WAC: variants seen among roughly 807,000 people sequenced by gnomAD.
WAC encodes the protein WW domain-containing adapter protein with coiled-coil.
WAC carries 11 observed loss-of-function variants against 79.6 expected under a neutral mutation model. The ratio of observed to expected loss-of-function variants is 0.14; its 90% CI spans 0.09 to 0.23. The LOEUF is 0.23. WAC is among the 10% of genes least tolerant of loss of function. WAC has a pLI of 1.00. For synonymous variants in WAC, 304 were observed against 276.9 expected (o/e 1.10, Z -0.97); for missense variants, 728 against 773.5 (o/e 0.94, Z 0.70).
chr10:28,542,881 A>G (rs916900437), intron 3 of WAC, among the ~76,000 whole-genome samples: 2 of 152,192 alleles, frequency 1.3e-5, no homozygotes, highest in Non-Finnish European at 2.9e-5. Flanking sequence ...AACTGACTGT[A>G]TTTTAGTTTT....
intron 13 of WAC, among the ~76,000 whole-genome samples, chr10:28,618,847 T>C (rs1315870510): frequency 1.3e-5 from 2 of 152,236 alleles, no homozygotes; most frequent in African/African-American, 2.4e-5. Flanking sequence ...TTAATTCTAC[T>C]CTTTACTGTA....
intron 3 of WAC, among the ~76,000 whole-genome samples, chr10:28,556,388 ATTTTTTT>A (rs764934182): frequency 1.1e-3 from 60 of 55,094 alleles, no homozygotes; most frequent in East Asian, 6.3e-3. Context: ...TGCCCATTAA[ATTTTTTT>A]TTTTTTTTTT....
At chr10:28,542,145 C>T (rs752396100) in intron 3 of WAC, among the ~76,000 whole-genome samples, 2 of 152,160 alleles carry the variant, frequency 1.3e-5, no homozygotes, top group Non-Finnish European at 2.9e-5. Flanking sequence ...ACATTATGTG[C>T]CTTTATGTTT....
In WAC at chr10:28,613,982, C is replaced by G. The variant is rs556524821; in HGVS notation, c.1438-585C>G. On this transcript the variant is annotated intron_variant, in intron 10 of 13. Transcript: ENST00000354911. ...ACATATTTCTCCATATCATTAAAAT[C>G]TAAGCATCCATATGTGTATGATGTG... 2.6e-5 allele frequency among the ~76,000 whole-genome samples: 4 copies of G among 152,256 alleles called. No individual in the cohort carries two copies. The East Asian group carries it at 5.8e-4, about 22-fold the overall frequency.
intron 10 of WAC, among the ~76,000 whole-genome samples, chr10:28,612,140 G>A (rs968038345): frequency 6.6e-6 from 1 of 152,182 alleles, no homozygotes; most frequent in Non-Finnish European, 1.5e-5. Context: ...ATCTGAGTCT[G>A]TTCCCTAATG....
At position 28,610,701 on chromosome 10, in the gene WAC, CT is replaced by C; in HGVS notation, c.1170del (p.Thr391GlnfsTer4). 1 of 1,603,236 alleles carries C rather than the reference CT, an allele frequency of 6.2e-7. No individual in the cohort carries two copies. Reference protein sequence around the residue: ...NVDISKINEVLTAAVTQASLQ... With the variant: ...NVDISKINEVXTAAVTQASLQ... Reference sequence around the variant, plus strand: ...TGTATGAAATAATATGTTTTTAGTTCTTACAGCAGCTGTGACACAAGCCTCA... The same window carrying C: ...TGTATGAAATAATATGTTTTTAGTTCTACAGCAGCTGTGACACAAGCCTCA... On this transcript the variant is annotated frameshift_variant, in exon 9 of 14. Transcript: ENST00000354911. LOFTEE classifies it high-confidence loss of function.
chr10:28,595,886 A>G lies in WAC; in HGVS notation c.764A>G (p.His255Arg). Residue 255 changes from histidine to arginine, a missense_variant, in exon 7 of 14, where the codon CAT (histidine) becomes CGT (arginine). His to Arg is a conservative substitution (Grantham distance 29). Coordinates refer to ENST00000354911, the MANE Select transcript of WAC (RefSeq NM_016628.5). ...PVQHPIKPVV[H>R]PTATPSTVPS... ...CAGCACCCCATCAAACCAGTGGTTCATCCAACTGCTACCCCAAGCACTGTT... is the reference window on the plus strand; with the variant it reads ...CAGCACCCCATCAAACCAGTGGTTCGTCCAACTGCTACCCCAAGCACTGTT... The G allele has an allele frequency of 6.2e-7, 1 of 1,614,166 alleles. No homozygotes were observed. Among genetic ancestry groups the G allele is most frequent in the Non-Finnish European group, 8.5e-7 (1 of 1,180,002 alleles).
intron 3 of WAC, among the ~76,000 whole-genome samples, chr10:28,582,693 G>A (rs938903808): frequency 1.3e-5 from 2 of 152,158 alleles, no homozygotes; most frequent in African/African-American, 4.8e-5. Flanking sequence ...ATTCATCAAA[G>A]TGTTTTTGCA....
At chr10:28,563,513 G>C (rs1838412370) in intron 3 of WAC, among the ~76,000 whole-genome samples, 3 of 152,064 alleles carry the variant, frequency 2.0e-5, no homozygotes, top group Admixed American at 2.0e-4. Flanking sequence ...TCTTCAACAT[G>C]TTTTAGATTT....
intron 8 of WAC, among the ~76,000 whole-genome samples, chr10:28,609,222 C>T (rs1027294461): frequency 1.2e-4 from 19 of 152,184 alleles, no homozygotes; most frequent in Admixed American, 2.0e-4. Context: ...GTTAACCAGG[C>T]GTGATGGCAC....
At chr10:28,535,486 C>A in intron 2 of WAC, 76 bp from the exon 3 acceptor site, 1 of 1,429,914 alleles carries the variant, frequency 7.0e-7, no homozygotes, top group Non-Finnish European at 9.3e-7. Context: ...GATAATACAC[C>A]AAAGTTTATG....
Position 28,610,604 on chromosome 10 carries a change from CCA to C in WAC, c.1166-94_1166-93del, listed in dbSNP as rs1834593516. The C allele has an allele frequency of 3.9e-6, 5 of 1,284,108 alleles. No homozygotes were observed. The South Asian group carries it at 5.7e-5, about 15-fold the overall frequency. 79.5% of individuals were successfully genotyped at this position (1,284,108 alleles called of 1,614,324 possible). On this transcript the variant is annotated intron_variant, in intron 8 of 13. Transcript: ENST00000354911. ...TTTGAGAGTTCTAGGTTGAAATATT[CCA>C]GTTTCTTGTGAGTTCTCTTCCTTGT...
chr10:28,615,989 A>G (rs1042185530), intron 11 of WAC, 184 bp from the exon 12 acceptor site: 7 of 475,020 alleles, frequency 1.5e-5, no homozygotes, highest in East Asian at 9.7e-5. Context: ...TTTTCCCCCT[A>G]AAGTGTTTTG....
intron 7 of WAC, among the ~76,000 whole-genome samples, chr10:28,605,689 C>CT (rs994456592): frequency 1.3e-5 from 2 of 151,918 alleles, no homozygotes; most frequent in African/African-American, 4.8e-5. Context: ...TTCCCTTTTG[C>CT]TTGGCTTGAT....
chr10:28,589,634 T>G (rs998502601), intron 4 of WAC, 102 bp from the exon 5 acceptor site: 2 of 679,902 alleles, frequency 2.9e-6, no homozygotes, highest in Non-Finnish European at 4.9e-6. Flanking sequence ...AGAGTACCTT[T>G]ATCTCATAAG....
intron 3 of WAC, among the ~76,000 whole-genome samples, chr10:28,570,595 A>C (rs1838895176): frequency 6.6e-6 from 1 of 152,128 alleles, no homozygotes; most frequent in Admixed American, 6.5e-5. Flanking sequence ...TTTATTTTGG[A>C]GTGTACTGTC....
At chr10:28,614,515 G>GA (rs1841393134) in intron 10 of WAC, 52 bp from the exon 11 acceptor site, 2 of 1,388,056 alleles carry the variant, frequency 1.4e-6, no homozygotes, top group East Asian at 2.3e-5. Context: ...ATTTTGGGGG[G>GA]AGAGATGTGG....
At chr10:28,610,424 TG>T (rs1250068298) in intron 8 of WAC, among the ~76,000 whole-genome samples, 1 of 152,124 alleles carries the variant, frequency 6.6e-6, no homozygotes, top group Non-Finnish European at 1.5e-5. Context: ...CGTTAAATTT[TG>T]TAGAGAGACT....
intron 3 of WAC, among the ~76,000 whole-genome samples, chr10:28,561,803 A>G (rs1227812919): frequency 1.1e-4 from 17 of 152,200 alleles, no homozygotes; most frequent in Admixed American, 1.1e-3. Flanking sequence ...TCATAGGAGC[A>G]TGAGAACCCT....
Sources: allele counts gnomAD v4.1 joint callset (sites outside exome capture counted in the v4.1 genomes callset), GRCh38; gene constraint gnomAD v4.1.1; transcripts MANE v1.5; gene names NCBI Gene and HGNC (gene_info 2026-07-23, HGNC 2026-07-21).